ALPK2: variants seen among roughly 807,000 people sequenced by gnomAD.
ALPK2 encodes alpha kinase 2.
Under a neutral mutation model 163.1 loss-of-function variants are expected in ALPK2, and 127 were observed. That is an observed-to-expected ratio of 0.78 (90% CI 0.67 to 0.90). The LOEUF is 0.90. Ranked by LOEUF, ALPK2 falls within the 40% of genes least tolerant of loss-of-function variation. ALPK2 has a pLI of 0.00. For missense variants in ALPK2, 2,360 were observed against 2,589.6 expected (o/e 0.91, Z 1.92); for synonymous variants, 953 against 959.1 (o/e 0.99, Z 0.12).
chr18:58,565,235 G>A (rs1209307691), intron 4 of ALPK2, among the ~76,000 whole-genome samples: 1 of 152,086 alleles, frequency 6.6e-6, no homozygotes, highest in Non-Finnish European at 1.5e-5. Context: ...TGCTTCCTTG[G>A]GCCTTCATGC....
chr18:58,628,640 G>A (rs908506864), intron 1 of ALPK2, 124 bp downstream of exon 1: 5 of 152,014 alleles, frequency 3.3e-5, no homozygotes, highest in Non-Finnish European at 4.4e-5. Flanking sequence ...AATCCCTATT[G>A]GTTTCATCTC....
At chr18:58,628,033 A>C (rs2144248304) in intron 1 of ALPK2, among the ~76,000 whole-genome samples, 1 of 152,326 alleles carries the variant, frequency 6.6e-6, no homozygotes, top group African/African-American at 2.4e-5. Context: ...AATGATTGCC[A>C]AATGTCTGTA....
chr18:58,593,768 C>T (rs1179905461), intron 3 of ALPK2, among the ~76,000 whole-genome samples: 4 of 151,872 alleles, frequency 2.6e-5, no homozygotes, highest in South Asian at 4.2e-4. Flanking sequence ...ATCCCAGCTA[C>T]TTGGGAGGCT....
At position 58,485,794 on chromosome 18, in the gene ALPK2, G is replaced by A. The variant is rs899835425; in HGVS notation, c.6297-3755C>T. Among the ~76,000 whole-genome samples the A allele has an allele frequency of 2.0e-5, 3 of 151,588 alleles. 1 individual carries two copies. In the South Asian group the frequency reaches 6.2e-4, roughly 32 times the overall value. ...TTAATCCCACCTGCCACTGGGGGGG[G>A]ACCCCGGTTGCTTCACACCAACTCC... On this transcript the variant is annotated intron_variant, in intron 12 of 12. Coordinates refer to ENST00000361673, the MANE Select transcript of ALPK2 (RefSeq NM_052947.4).
chr18:58,594,814 C>G (rs746438904), intron 3 of ALPK2, among the ~76,000 whole-genome samples: 15 of 152,194 alleles, frequency 9.9e-5, no homozygotes, highest in Non-Finnish European at 2.2e-4. Flanking sequence ...AGAACCTGGC[C>G]GCTTCCTCCC....
chr18:58,607,381 G>C lies in ALPK2; in HGVS notation c.168C>G (p.Gly56=). 6.2e-7 allele frequency: 1 copy of C among 1,613,652 alleles called. No homozygotes were observed. The highest frequency in any genetic ancestry group is 8.5e-7 in the Non-Finnish European group (1 of 1,179,848). ...CAAAGAATTCATAGTTGGAAATAAT[G>C]CCACTCCCATCGATGGCCTGACCAT... ...YKNGQAIDGS[G]IISNYEFFEN... is the part of the protein sequence containing the mutation. Residue 56 remains glycine (G), a synonymous_variant, in exon 3 of 13, where the codon GGC becomes GGG. Coordinates refer to ENST00000361673, the MANE Select transcript of ALPK2 (RefSeq NM_052947.4).
At position 58,535,937 on chromosome 18, in the gene ALPK2, G is replaced by A; in HGVS notation, c.4250C>T (p.Ala1417Val). ...DEISVIEYTR[A>V]GKPEPSETTP... ...GGTTTCAGAGGGCTCTGGTTTTCCA[G>A]CCCTGGTGTACTCTATCACACTTAT... Residue 1417 changes from alanine (A) to valine (V), a missense_variant, in exon 5 of 13, where the codon GCT (alanine) becomes GTT (valine). Coordinates refer to ENST00000361673, the MANE Select transcript of ALPK2 (RefSeq NM_052947.4). The A allele has an allele frequency of 6.2e-7, 1 of 1,614,200 alleles. No homozygotes were observed. The highest frequency in any genetic ancestry group is 8.5e-7 in the Non-Finnish European group (1 of 1,180,036).
intron 4 of ALPK2, chr18:58,578,214 A>T (rs907892180): frequency 6.6e-6 from 1 of 152,220 alleles, no homozygotes; most frequent in Non-Finnish European, 1.5e-5. Context: ...AAAATAAGAC[A>T]AACATCCAAT....
rs1206355402 is a variant in ALPK2 at position 58,579,231 on chromosome 18, T to C, written c.1545A>G (p.Ala515=). The stretch of plus-strand genomic sequence containing the variant: ...CCTTTCCCCCCACTCTCTTGTCAGC[T>C]GCCGTCTCCCAACACTGGCTCATCC... ...NSGMSQCWET[A]ADKRVGGKDL... The change falls in exon 4 of 13, where the codon GCA becomes GCG. Residue 515 remains alanine (A), a synonymous_variant. Coordinates refer to ENST00000361673, the MANE Select transcript of ALPK2 (RefSeq NM_052947.4). 12 of 1,614,136 alleles carry C rather than the reference T, an allele frequency of 7.4e-6. No homozygotes were observed. The Admixed American group carries it at 8.3e-5, about 11-fold the overall frequency.
intron 3 of ALPK2, among the ~76,000 whole-genome samples, chr18:58,603,232 T>A (rs2052080574): frequency 6.6e-6 from 1 of 152,242 alleles, no homozygotes; most frequent in South Asian, 2.1e-4. Flanking sequence ...AACAACCTAA[T>A]CCAATATGAA....
chr18:58,574,968 CT>C (rs1307080772), intron 4 of ALPK2, among the ~76,000 whole-genome samples: 3 of 152,124 alleles, frequency 2.0e-5, no homozygotes, highest in Non-Finnish European at 4.4e-5. Context: ...AATCCCAGCA[CT>C]TTGGGAGGCC....
chr18:58,522,342 C>T (rs1041294808), intron 8 of ALPK2, among the ~76,000 whole-genome samples: 21 of 152,148 alleles, frequency 1.4e-4, no homozygotes, highest in African/African-American at 4.6e-4. Context: ...TTCCCCAACC[C>T]TCAGCATGTT....
At position 58,579,682 on chromosome 18, in the gene ALPK2, T is replaced by C; in HGVS notation, c.1094A>G (p.Glu365Gly). The change falls in exon 4 of 13, where the codon GAA becomes GGA. Residue 365 changes from glutamate (E) to glycine (G), a missense_variant. Glu to Gly is a moderately conservative substitution (Grantham distance 98). Coordinates refer to ENST00000361673, the MANE Select transcript of ALPK2 (RefSeq NM_052947.4). ...FLLESDDEEMEFGEHCLGGCE... is the reference protein window; with the variant it reads ...FLLESDDEEMGFGEHCLGGCE... ...CCCACCCAGGCAATGCTCACCGAAT[T>C]CCATCTCTTCGTCATCGCTTTCTAA... is the stretch of plus-strand genomic sequence containing the variant. 1 of 1,614,056 alleles carries C rather than the reference T, an allele frequency of 6.2e-7. No homozygotes were observed. Among genetic ancestry groups the C allele is most frequent in the South Asian group, 1.1e-5 (1 of 91,066 alleles).
At chr18:58,488,214 G>A (rs1208648983) in intron 12 of ALPK2, among the ~76,000 whole-genome samples, 2 of 152,096 alleles carry the variant, frequency 1.3e-5, no homozygotes, top group Non-Finnish European at 2.9e-5. Context: ...ATCTAATAAA[G>A]TCACACTGAA....
Position 58,521,627 on chromosome 18 carries a change from C to CTTTTTTTTTTTTTTTTTTTTTTTTTT in ALPK2, c.5665+2178_5665+2179insAAAAAAAAAAAAAAAAAAAAAAAAAA, listed in dbSNP as rs398033036. Among the ~76,000 whole-genome samples, 20 of 55,386 alleles carry CTTTTTTTTTTTTTTTTTTTTTTTTTT rather than the reference C, an allele frequency of 3.6e-4. 2 individuals are homozygous for CTTTTTTTTTTTTTTTTTTTTTTTTTT. The highest frequency in any genetic ancestry group is 6.0e-4 in the Non-Finnish European group (17 of 28,560). 36.3% of individuals were successfully genotyped at this position (55,386 alleles called of 152,430 possible). A position where few individuals can be genotyped will look rare whatever the true frequency, so the allele number is the denominator to read the frequency against. On this transcript the variant is annotated intron_variant, in intron 8 of 12. Transcript: ENST00000361673. The stretch of plus-strand genomic sequence containing the variant: ...TTTCTTTTTCTTTCTTTCTCTCTCT[C>CTTTTTTTTTTTTTTTTTTTTTTTTTT]TTTTTTTTTTTTTTTTTTTGAGATG...
chr18:58,486,598 T>C (rs2051340265), intron 12 of ALPK2, among the ~76,000 whole-genome samples: 1 of 152,134 alleles, frequency 6.6e-6, no homozygotes, highest in South Asian at 2.1e-4. Flanking sequence ...GAACATCTCT[T>C]TCTCTAATTT....
In ALPK2 at chr18:58,537,162, ATGTGTCCT is replaced by A; in HGVS notation, c.3017_3024del (p.Glu1006ValfsTer21). ...ACTTCGGTGGCAATGGTAACAGTTG[ATGTGTCCT>A]CAGTCTCCCTGGTCGCTTGAAAGCA... On this transcript the variant is annotated frameshift_variant, in exon 5 of 13. Coordinates refer to ENST00000361673, the MANE Select transcript of ALPK2 (RefSeq NM_052947.4). LOFTEE classifies it high-confidence loss of function. 2.6e-6 allele frequency: 1 copy of A among 378,972 alleles called. No individual in the cohort carries two copies. The highest frequency in any genetic ancestry group is 5.3e-4 in the Middle Eastern group (1 of 1,876). 23.5% of individuals were successfully genotyped at this position (378,972 alleles called of 1,614,324 possible).
rs2051996610 is a variant in ALPK2, at chr18:58,588,170, T to G, written c.228-7622A>C. Among the ~76,000 whole-genome samples, 3 of 152,264 alleles carry G rather than the reference T, an allele frequency of 2.0e-5. No homozygotes were observed. The South Asian group carries it at 6.2e-4, about 32-fold the overall frequency. The stretch of plus-strand genomic sequence containing the variant: ...ATGGGGTATTAACAGGGCTACTGAG[T>G]TATCAAGATTTAATAAAATTACCCC... On this transcript the variant is annotated intron_variant, in intron 3 of 12. Coordinates refer to ENST00000361673, the MANE Select transcript of ALPK2 (RefSeq NM_052947.4).
intron 12 of ALPK2, among the ~76,000 whole-genome samples, chr18:58,488,903 C>T (rs985086654): frequency 1.3e-5 from 2 of 152,116 alleles, no homozygotes; most frequent in Non-Finnish European, 2.9e-5. Context: ...AAGAGATTCC[C>T]GGAGTGCCAC....
Sources: gnomAD v4.1 joint callset for allele counts (sites outside exome capture counted in the v4.1 genomes callset) on GRCh38, gnomAD v4.1.1 for gene constraint, MANE v1.5 for transcripts, NCBI Gene and HGNC (gene_info 2026-07-23, HGNC 2026-07-21) for gene names.